The following PEX14 variants were observed in gnomAD, a reference collection of about 807,000 sequenced individuals.
PEX14 encodes the protein peroxisomal membrane protein PEX14.
In PEX14, 15 loss-of-function variants were observed where a neutral mutation model predicts 49.5. The observed-to-expected ratio is 0.30, with a 90% CI of 0.20 to 0.47. PEX14 has a LOEUF of 0.47. Ranked by LOEUF, PEX14 falls within the 20% of genes least tolerant of loss-of-function variation. PEX14 has a pLI of 1.00. For missense variants in PEX14, 398 were observed against 494.8 expected, an observed-to-expected ratio of 0.80 and a Z score of 1.86; for synonymous variants, 210 against 212.7, an observed-to-expected ratio of 0.99 and a Z score of 0.11.
intron 7 of PEX14, among the ~76,000 whole-genome samples, chr1:10,625,751 G>T (rs541460386): frequency 6.6e-6 from 1 of 152,228 alleles, no homozygotes; most frequent in Non-Finnish European, 1.5e-5. Flanking sequence ...AAGCCATTCC[G>T]GAAATTGGAA....
chr1:10,607,836 T>C (rs1239505151), intron 4 of PEX14, among the ~76,000 whole-genome samples: 3 of 152,238 alleles, frequency 2.0e-5, no homozygotes, highest in Admixed American at 6.5e-5. Flanking sequence ...CCTTTTTATT[T>C]TCCTAACATT....
At chr1:10,546,659 G>T (rs987033253) in intron 3 of PEX14, among the ~76,000 whole-genome samples, 3 of 149,304 alleles carry the variant, frequency 2.0e-5, no homozygotes, top group African/African-American at 7.4e-5. Flanking sequence ...AAGGTCAGGA[G>T]ATTGAGACCA....
chr1:10,490,136 T>G (rs1217641936), intron 1 of PEX14, among the ~76,000 whole-genome samples: 1 of 152,194 alleles, frequency 6.6e-6, no homozygotes, highest in Non-Finnish European at 1.5e-5. Context: ...TCAGAGAGGT[T>G]GAGCAGCGTG....
intron 7 of PEX14, among the ~76,000 whole-genome samples, chr1:10,625,925 G>C (rs1034165893): frequency 6.6e-6 from 1 of 152,166 alleles, no homozygotes; most frequent in African/African-American, 2.4e-5. Flanking sequence ...TCTCTCCCGA[G>C]CTGCATGGGG....
At position 10,495,227 on chromosome 1, in the gene PEX14, A is replaced by G. The variant is rs752754515; in HGVS notation, c.37-47A>G. ...GAACATCTTTGGTTTTTTGATGTCC[A>G]TTGGGTGGCACTGTGATCTTATTTT... On this transcript the variant is annotated intron_variant, in intron 1 of 8. Coordinates refer to ENST00000356607, the MANE Select transcript of PEX14 (RefSeq NM_004565.3). The surrounding 1 kb of genome is among the most constrained non-coding windows in gnomAD (Gnocchi z 4.2). The G allele has an allele frequency of 2.4e-5, 38 of 1,597,688 alleles. No homozygotes were observed. The highest frequency in any genetic ancestry group is 6.7e-5 in the Admixed American group (4 of 59,968).
chr1:10,577,529 CATATATATATATATAT>C (rs1312391529), intron 3 of PEX14, among the ~76,000 whole-genome samples: 5,107 of 42,970 alleles, frequency 0.12, 443 homozygotes, highest in Middle Eastern at 0.19. Context: ...GGACACTATA[CATATATATATATATAT>C]ATATATATAT....
intron 2 of PEX14, among the ~76,000 whole-genome samples, chr1:10,505,684 AT>A (rs34387707): frequency 6.2e-4 from 88 of 142,110 alleles, no homozygotes; most frequent in Admixed American, 9.1e-4. Context: ...GCTTGTGTGT[AT>A]TTTTTTTTTT....
intron 3 of PEX14, among the ~76,000 whole-genome samples, chr1:10,595,233 G>GT (rs1640802690): frequency 1.3e-5 from 2 of 152,200 alleles, no homozygotes; most frequent in Non-Finnish European, 1.5e-5. Context: ...AGAGCTCTCA[G>GT]TTTTGCATAT....
At chr1:10,534,427 C>T (rs541176473) in intron 2 of PEX14, among the ~76,000 whole-genome samples, 1 of 152,154 alleles carries the variant, frequency 6.6e-6, no homozygotes, top group African/African-American at 2.4e-5. Flanking sequence ...TGTACTGTTG[C>T]CTTCTTCTCC....
At chr1:10,601,633 G>A (rs1241578672) in intron 4 of PEX14, among the ~76,000 whole-genome samples, 1 of 152,222 alleles carries the variant, frequency 6.6e-6, no homozygotes, top group Non-Finnish European at 1.5e-5. Flanking sequence ...ACTGCAGGTT[G>A]CAGAGCTTCA....
At position 10,626,209 on chromosome 1, in the gene PEX14, C is replaced by G. The variant is rs1325651625; in HGVS notation, c.586-1063C>G. 2.0e-5 allele frequency among the ~76,000 whole-genome samples: 3 copies of G among 152,312 alleles called. No homozygotes were observed. In the East Asian group the frequency reaches 5.8e-4, roughly 29 times the overall value. ...TTTATTTCTAAATCCTGGCATCTGG[C>G]ACCATATGCGTTTGGAAATCTGAGT... On this transcript the variant is annotated intron_variant, in intron 7 of 8. Transcript: ENST00000356607.
chr1:10,488,130 A>C (rs1258424264), intron 1 of PEX14, among the ~76,000 whole-genome samples: 1 of 152,158 alleles, frequency 6.6e-6, no homozygotes, highest in African/African-American at 2.4e-5. Flanking sequence ...TAGTTTTAAA[A>C]ATAGATGTGA....
chr1:10,524,945 C>A (rs1638426820), intron 2 of PEX14, among the ~76,000 whole-genome samples: 1 of 152,236 alleles, frequency 6.6e-6, no homozygotes, highest in South Asian at 2.1e-4. Flanking sequence ...CCTGCCTCAG[C>A]CTCCCAAAGT....
At chr1:10,532,770 AG>A (rs1638685549) in intron 2 of PEX14, among the ~76,000 whole-genome samples, 1 of 152,218 alleles carries the variant, frequency 6.6e-6, no homozygotes, top group Non-Finnish European at 1.5e-5. Context: ...ATGATAATAC[AG>A]GACAGGCTGC....
chr1:10,492,551 C>T (rs1641490338), intron 1 of PEX14, among the ~76,000 whole-genome samples: 1 of 152,156 alleles, frequency 6.6e-6, no homozygotes, highest in Non-Finnish European at 1.5e-5. Flanking sequence ...TCCTCATCAG[C>T]AGTAATTTGA....
At chr1:10,483,280 C>G (rs1005291606) in intron 1 of PEX14, among the ~76,000 whole-genome samples, 3 of 152,146 alleles carry the variant, frequency 2.0e-5, no homozygotes, top group Admixed American at 6.6e-5. Context: ...CTTGGCCTCC[C>G]AAAGTGCTAG....
intron 5 of PEX14, among the ~76,000 whole-genome samples, chr1:10,619,027 A>C (rs1002170519): frequency 1.3e-5 from 2 of 152,328 alleles, no homozygotes; most frequent in Admixed American, 1.3e-4. Flanking sequence ...CATCAGATGT[A>C]TGGGAGCTGT....
At chr1:10,503,981 G>T (rs750199056) in intron 2 of PEX14, among the ~76,000 whole-genome samples, 8 of 152,146 alleles carry the variant, frequency 5.3e-5, no homozygotes, top group East Asian at 1.9e-4. Context: ...TGATCCACCC[G>T]CCTCGGCCTC....
rs1640997868 is a variant in PEX14, at chr1:10,601,989, A to G, written c.298+2623A>G. Among the ~76,000 whole-genome samples, 6 of 152,332 alleles carry G rather than the reference A, an allele frequency of 3.9e-5. No individual in the cohort carries two copies. In the South Asian group the frequency reaches 1.2e-3, roughly 32 times the overall value. On this transcript the variant is annotated intron_variant, in intron 4 of 8. Coordinates refer to ENST00000356607, the MANE Select transcript of PEX14 (RefSeq NM_004565.3). ...ACTTGGAAACTTCTTACTCAGAACA[A>G]ATTGTTCTGGTTGATCACAGAGTTG... is the stretch of plus-strand genomic sequence containing the variant.
Sources: gnomAD v4.1 joint callset for allele counts (sites outside exome capture counted in the v4.1 genomes callset) on GRCh38, gnomAD v4.1.1 for gene constraint, Gnocchi (gnomAD v3.1) non-coding constraint, MANE v1.5 for transcripts, NCBI Gene and HGNC (gene_info 2026-07-23, HGNC 2026-07-21) for gene names.